The following COL25A1 variants were observed in gnomAD, a reference collection of about 807,000 sequenced individuals.
COL25A1 encodes collagen type XXV alpha 1 chain.
In COL25A1, 103 loss-of-function variants were observed where a neutral mutation model predicts 128.4. The ratio of observed to expected loss-of-function variants is 0.80; its 90% CI spans 0.68 to 0.94. The LOEUF is 0.94. Ranked by LOEUF, COL25A1 falls within the 40% of genes least tolerant of loss-of-function variation. The probability of loss-of-function intolerance (pLI) is 0.00; values close to 1 mark genes in which losing one functional copy is unlikely to be tolerated. For synonymous variants in COL25A1, 279 were observed against 277.2 expected (o/e 1.01, Z -0.06); for missense variants, 745 against 840.0 (o/e 0.89, Z 1.40).
Position 109,256,085 on chromosome 4 carries a change from GGTGTGTGTGTGT to G in COL25A1, c.367+44486_367+44497del, listed in dbSNP as rs60794002. On this transcript the variant is annotated intron_variant, in intron 3 of 37. Transcript: ENST00000399132. ...TGTGGATATTAACATTTTAAGCATT[GGTGTGTGTGTGT>G]GTGTGTGTGTGTGTGTGTGTGTGTT... Among the ~76,000 whole-genome samples the G allele has an allele frequency of 9.1e-5, 13 of 143,354 alleles. No homozygotes were observed. The South Asian group carries it at 1.1e-3, about 12-fold the overall frequency. The allele number at this position is 143,354 out of a possible 152,430, so 94.0% of individuals were successfully genotyped here. A position where few individuals can be genotyped will look rare whatever the true frequency, so the allele number is the denominator to read the frequency against.
intron 3 of COL25A1, among the ~76,000 whole-genome samples, chr4:109,206,948 C>T (rs553370407): frequency 6.6e-6 from 1 of 152,246 alleles, no homozygotes; most frequent in South Asian, 2.1e-4. Context: ...TTTTAGTTGG[C>T]ATTCCTTCAT....
At chr4:109,152,497 T>C (rs1330670676) in intron 3 of COL25A1, among the ~76,000 whole-genome samples, 1 of 152,316 alleles carries the variant, frequency 6.6e-6, no homozygotes, top group Admixed American at 6.5e-5. Flanking sequence ...ATTAGTGGTA[T>C]TATACATTTA....
chr4:108,949,569 T>G (rs1403198570), intron 8 of COL25A1, among the ~76,000 whole-genome samples: 2 of 151,854 alleles, frequency 1.3e-5, no homozygotes, highest in African/African-American at 4.8e-5. Context: ...AGTCTCACTC[T>G]GTCACCCAGA....
At chr4:109,027,059 GT>G (rs1436372049) in intron 5 of COL25A1, among the ~76,000 whole-genome samples, 1 of 152,176 alleles carries the variant, frequency 6.6e-6, no homozygotes, top group Non-Finnish European at 1.5e-5. Flanking sequence ...TATTTGTTGA[GT>G]ACCTACAGTG....
chr4:109,084,579 C>CT (rs1415022796), intron 3 of COL25A1, among the ~76,000 whole-genome samples: 1 of 152,162 alleles, frequency 6.6e-6, no homozygotes, highest in African/African-American at 2.4e-5. Context: ...GCCTAAGCTA[C>CT]TTTTTATATT....
chr4:109,201,635 C>G (rs2126182021), intron 3 of COL25A1, among the ~76,000 whole-genome samples: 1 of 152,238 alleles, frequency 6.6e-6, no homozygotes, highest in Middle Eastern at 3.4e-3. Flanking sequence ...GAAGTCCTAA[C>G]TAATACAATA....
intron 3 of COL25A1, among the ~76,000 whole-genome samples, chr4:109,066,945 A>T (rs1359648208): frequency 6.6e-6 from 1 of 152,232 alleles, no homozygotes; most frequent in Non-Finnish European, 1.5e-5. Flanking sequence ...TGCTGAGATT[A>T]CAGGTGTGAG....
chr4:108,897,520 G>A (rs1268016182), intron 15 of COL25A1, among the ~76,000 whole-genome samples: 1 of 152,098 alleles, frequency 6.6e-6, no homozygotes, highest in Non-Finnish European at 1.5e-5. Context: ...GCACCTACTG[G>A]GCAAATGAGA....
chr4:108,930,174 T>C lies in COL25A1; in HGVS notation c.708+7634A>G, dbSNP rs546051184. ...GTGACCAAGCAGAAGTCTATATCTT[T>C]TTTAAGGTTCCACTCAGACACATGG... On this transcript the variant is annotated intron_variant, in intron 11 of 37. Transcript: ENST00000399132. Among the ~76,000 whole-genome samples, 90 of 152,240 alleles carry C rather than the reference T, an allele frequency of 5.9e-4. 1 individual carries two copies. The South Asian group carries it at 8.5e-3, about 14-fold the overall frequency.
At chr4:109,270,262 A>G (rs531631426) in intron 3 of COL25A1, among the ~76,000 whole-genome samples, 2 of 152,266 alleles carry the variant, frequency 1.3e-5, no homozygotes, top group Non-Finnish European at 2.9e-5. Context: ...TTCAATTAGG[A>G]AAAGAGGAAG....
intron 3 of COL25A1, among the ~76,000 whole-genome samples, chr4:109,248,155 T>C (rs1168889535): frequency 6.6e-6 from 1 of 152,096 alleles, no homozygotes; most frequent in Non-Finnish European, 1.5e-5. Context: ...TATAAATGTA[T>C]TGCTACGATT....
chr4:108,879,348 T>C (rs1294670633), intron 19 of COL25A1, among the ~76,000 whole-genome samples: 5 of 151,876 alleles, frequency 3.3e-5, no homozygotes. Flanking sequence ...AATGATTTCA[T>C]ATGTTTTTTA....
intron 3 of COL25A1, among the ~76,000 whole-genome samples, chr4:109,093,970 T>A (rs190308086): frequency 6.6e-6 from 1 of 152,072 alleles, no homozygotes; most frequent in Admixed American, 6.6e-5. Flanking sequence ...ATCAAAGACA[T>A]TGTAATGTCA....
At chr4:108,905,430 G>T (rs1743356100) in intron 13 of COL25A1, among the ~76,000 whole-genome samples, 1 of 151,558 alleles carries the variant, frequency 6.6e-6, no homozygotes, top group Non-Finnish European at 1.5e-5. Context: ...TAAAAATAGT[G>T]GGTGCAGCAC....
rs76932530 is a variant in COL25A1, at chr4:108,960,807, C to T, written c.492+13560G>A. On this transcript the variant is annotated intron_variant, in intron 8 of 37. Transcript: ENST00000399132. ...TTGCTTTTCAAGATTATCTTGAAAA[C>T]GTGTGTGGACTCTATTTGGAAGTCA... 4.7e-3 allele frequency among the ~76,000 whole-genome samples: 720 copies of T among 152,120 alleles called. 14 individuals carry two copies. The East Asian group carries it at 0.063, about 13-fold the overall frequency.
chr4:109,093,591 T>C (rs1371924309), intron 3 of COL25A1, among the ~76,000 whole-genome samples: 1 of 151,776 alleles, frequency 6.6e-6, no homozygotes, highest in Non-Finnish European at 1.5e-5. Context: ...CAATGAGCTA[T>C]AATCACACCA....
intron 6 of COL25A1, 68 bp from the exon 7 acceptor site, chr4:108,974,627 G>A: frequency 7.8e-7 from 1 of 1,276,108 alleles, no homozygotes; most frequent in Non-Finnish European, 1.1e-6. Context: ...AGATCAGCCA[G>A]GTTAGTTGAA....
At chr4:108,887,131 A>G (rs1281351080) in intron 18 of COL25A1, among the ~76,000 whole-genome samples, 1 of 152,148 alleles carries the variant, frequency 6.6e-6, no homozygotes, top group Non-Finnish European at 1.5e-5. Flanking sequence ...AAGAAAGAAA[A>G]TCCAATGGAA....
chr4:109,128,426 A>G (rs769124658), intron 3 of COL25A1, among the ~76,000 whole-genome samples: 2 of 152,170 alleles, frequency 1.3e-5, no homozygotes, highest in Non-Finnish European at 2.9e-5. Context: ...AAAATCTTTC[A>G]ATCCACCTAT....
Sources: gnomAD v4.1 joint callset for allele counts (sites outside exome capture counted in the v4.1 genomes callset) on GRCh38, gnomAD v4.1.1 for gene constraint, MANE v1.5 for transcripts, NCBI Gene and HGNC (gene_info 2026-07-23, HGNC 2026-07-21) for gene names.